The following KHDRBS2 variants were observed in gnomAD, a reference collection of about 807,000 sequenced individuals.
KHDRBS2 encodes the protein KH RNA binding domain containing, signal transduction associated 2.
A neutral mutation model predicts 44.3 loss-of-function variants in KHDRBS2; 26 were observed. The ratio of observed to expected loss-of-function variants is 0.59; its 90% CI spans 0.43 to 0.81. The LOEUF (loss-of-function observed/expected upper bound fraction) is 0.81. Ranked by LOEUF, KHDRBS2 falls within the 40% of genes least tolerant of loss-of-function variation. The probability of loss-of-function intolerance (pLI) is 0.00; values close to 1 mark genes in which losing one functional copy is unlikely to be tolerated. For synonymous variants in KHDRBS2, 194 were observed against 151.1 expected (o/e 1.28, Z -2.08); for missense variants, 476 against 433.1 (o/e 1.10, Z -0.88).
intron 4 of KHDRBS2, among the ~76,000 whole-genome samples, chr6:61,960,039 A>G (rs986651357): frequency 9.9e-5 from 15 of 151,758 alleles, no homozygotes; most frequent in African/African-American, 3.4e-4. Context: ...AAAGTTTAGA[A>G]TTTGTGTTTA....
intron 6 of KHDRBS2, among the ~76,000 whole-genome samples, chr6:61,874,562 T>C (rs1292597877): frequency 6.6e-6 from 1 of 152,148 alleles, no homozygotes; most frequent in Non-Finnish European, 1.5e-5. Flanking sequence ...TTTTCGTATA[T>C]CCACAGCAAT....
At chr6:61,751,415 CA>C (rs1777673877) in intron 6 of KHDRBS2, among the ~76,000 whole-genome samples, 1 of 152,154 alleles carries the variant, frequency 6.6e-6, no homozygotes, top group South Asian at 2.1e-4. Context: ...TAAACTTCCT[CA>C]GGGGTCACAC....
intron 4 of KHDRBS2, among the ~76,000 whole-genome samples, chr6:61,929,675 A>G (rs1809653421): frequency 6.6e-6 from 1 of 152,168 alleles, no homozygotes; most frequent in Admixed American, 6.6e-5. Flanking sequence ...GATGTTATTA[A>G]GTTCCTGAAA....
intron 3 of KHDRBS2, among the ~76,000 whole-genome samples, chr6:62,017,452 AG>A (rs1394797124): frequency 6.6e-6 from 1 of 152,164 alleles, no homozygotes; most frequent in Admixed American, 6.5e-5. Flanking sequence ...GCAAACTAAT[AG>A]GGTTGTTATA....
intron 2 of KHDRBS2, among the ~76,000 whole-genome samples, chr6:62,096,655 A>G (rs1232209140): frequency 2.6e-5 from 4 of 151,810 alleles, no homozygotes; most frequent in South Asian, 4.1e-4. Flanking sequence ...TTATCTTTTC[A>G]AAAAACCGGG....
chr6:61,620,434 G>T, the KHDRBS2 span, among the ~76,000 whole-genome samples: 1 of 152,158 alleles, frequency 6.6e-6, no homozygotes, highest in Non-Finnish European at 1.5e-5. Context: ...TAATTACAGT[G>T]TTTTATTGAA....
At chr6:61,925,661 G>T (rs1423932197) in intron 4 of KHDRBS2, among the ~76,000 whole-genome samples, 1 of 151,522 alleles carries the variant, frequency 6.6e-6, no homozygotes, top group African/African-American at 2.4e-5. Flanking sequence ...GGTTGAGGCG[G>T]CAGTGAGCCT....
At chr6:61,613,587 C>T in the KHDRBS2 span, among the ~76,000 whole-genome samples, 3 of 152,156 alleles carry the variant, frequency 2.0e-5, no homozygotes, top group African/African-American at 7.2e-5. Flanking sequence ...CCACTCCCTA[C>T]TATTTTCTTT....
intron 1 of KHDRBS2, among the ~76,000 whole-genome samples, chr6:62,257,613 G>A (rs575116599): frequency 6.6e-6 from 1 of 151,978 alleles, no homozygotes; most frequent in Non-Finnish European, 1.5e-5. Flanking sequence ...CTGATATCTG[G>A]GCAGAGGTGG....
chr6:61,998,814 C>T (rs529064024), intron 3 of KHDRBS2, among the ~76,000 whole-genome samples: 1 of 152,028 alleles, frequency 6.6e-6, no homozygotes, highest in Non-Finnish European at 1.5e-5. Flanking sequence ...CTTCTCTTGA[C>T]CTTTCCTGCT....
chr6:61,812,825 T>C (rs983689622), intron 6 of KHDRBS2, among the ~76,000 whole-genome samples: 4 of 152,114 alleles, frequency 2.6e-5, no homozygotes, highest in African/African-American at 7.2e-5. Context: ...TACTCATTTA[T>C]ATATTTTTCT....
chr6:62,181,708 G>A (rs969157192), intron 1 of KHDRBS2, among the ~76,000 whole-genome samples: 1 of 151,882 alleles, frequency 6.6e-6, no homozygotes, highest in Non-Finnish European at 1.5e-5. Flanking sequence ...AAATTCATAT[G>A]TTCAAATCCT....
the KHDRBS2 span, among the ~76,000 whole-genome samples, chr6:61,616,619 T>C: frequency 6.6e-6 from 1 of 152,014 alleles, no homozygotes; most frequent in Non-Finnish European, 1.5e-5. Context: ...TCTGCAAAGG[T>C]CAAATATGAA....
chr6:61,591,615 T>C, the KHDRBS2 span, among the ~76,000 whole-genome samples: 2 of 152,076 alleles, frequency 1.3e-5, no homozygotes, highest in African/African-American at 4.8e-5. Flanking sequence ...GGTTTGTGTG[T>C]CCCTTGGTCA....
In KHDRBS2 at chr6:61,975,733, A is replaced by G. The variant is rs12525832; in HGVS notation, c.483+2333T>C. Among the ~76,000 whole-genome samples the G allele has an allele frequency of 1.7e-3, 254 of 152,154 alleles. 6 individuals carry two copies. The East Asian group carries it at 0.022, about 13-fold the overall frequency. On this transcript the variant is annotated intron_variant, in intron 4 of 8. Transcript: ENST00000281156. The stretch of plus-strand genomic sequence containing the variant: ...TAGGAGCTATGCGGAAAATAAGTGA[A>G]AAGGACTAAGGTATAATGGAACAAT...
intron 8 of KHDRBS2, among the ~76,000 whole-genome samples, chr6:61,690,085 C>T (rs907463636): frequency 2.6e-5 from 4 of 151,880 alleles, no homozygotes; most frequent in African/African-American, 7.2e-5. Flanking sequence ...TTCAGACCAA[C>T]GTATTTTGTC....
chr6:62,278,679 G>A (rs1841352654), intron 1 of KHDRBS2, among the ~76,000 whole-genome samples: 2 of 152,244 alleles, frequency 1.3e-5, no homozygotes, highest in Admixed American at 1.3e-4. Flanking sequence ...GTGGAAAAAA[G>A]GAGGCCAATT....
At chr6:61,785,000 T>A (rs906155881) in intron 6 of KHDRBS2, among the ~76,000 whole-genome samples, 1 of 151,872 alleles carries the variant, frequency 6.6e-6, no homozygotes, top group Non-Finnish European at 1.5e-5. Context: ...AATACAAAAA[T>A]TTGCAGGGCA....
At chr6:61,894,342 C>T (rs1001063862) in intron 6 of KHDRBS2, among the ~76,000 whole-genome samples, 3 of 152,094 alleles carry the variant, frequency 2.0e-5, no homozygotes, top group Non-Finnish European at 4.4e-5. Context: ...TGGCAATTCA[C>T]CTTTTGTTTA....
Sources: allele counts gnomAD v4.1 joint callset (sites outside exome capture counted in the v4.1 genomes callset), GRCh38; gene constraint gnomAD v4.1.1; transcripts MANE v1.5; gene names NCBI Gene and HGNC (gene_info 2026-07-23, HGNC 2026-07-21).